Variants in ZNF385B observed in about 807,000 individuals in gnomAD.
The protein encoded by ZNF385B is zinc finger protein 533.
A neutral mutation model predicts 39.2 loss-of-function variants in ZNF385B; 23 were observed. That is an observed-to-expected ratio of 0.59 (90% CI 0.42 to 0.83). The LOEUF is 0.83. ZNF385B is among the 40% of genes least tolerant of loss of function. The probability of loss-of-function intolerance (pLI) is 0.00; values close to 1 mark genes in which losing one functional copy is unlikely to be tolerated. For synonymous variants in ZNF385B, 205 were observed against 222.6 expected (o/e 0.92, Z 0.70); for missense variants, 552 against 598.9 (o/e 0.92, Z 0.82).
At chr2:179,614,724 T>C (rs949779465) in intron 3 of ZNF385B, among the ~76,000 whole-genome samples, 3 of 152,322 alleles carry the variant, frequency 2.0e-5, no homozygotes, top group Non-Finnish European at 2.9e-5. Context: ...TCTTAAAAGC[T>C]TGGTCTTCCG....
At chr2:179,618,882 A>T (rs571376279) in intron 3 of ZNF385B, among the ~76,000 whole-genome samples, 19 of 152,306 alleles carry the variant, frequency 1.2e-4, no homozygotes, top group Admixed American at 1.2e-3. Context: ...TCTTCTACTT[A>T]CAATAGACAC....
At chr2:179,718,826 T>C (rs1346477836) in intron 3 of ZNF385B, among the ~76,000 whole-genome samples, 2 of 130,586 alleles carry the variant, frequency 1.5e-5, no homozygotes, top group African/African-American at 2.6e-5. Flanking sequence ...ACCCTGTATC[T>C]ATTAAAAAAA....
chr2:179,658,994 C>T (rs1483025279), intron 3 of ZNF385B, among the ~76,000 whole-genome samples: 1 of 152,172 alleles, frequency 6.6e-6, no homozygotes, highest in Non-Finnish European at 1.5e-5. Context: ...CCAGGCTGGT[C>T]TTGAACTCCT....
At chr2:179,743,529 G>T (rs1205905273) in intron 3 of ZNF385B, among the ~76,000 whole-genome samples, 1 of 152,090 alleles carries the variant, frequency 6.6e-6, no homozygotes, top group East Asian at 1.9e-4. Context: ...AAGACCACAT[G>T]AGGGAAAAAG....
intron 1 of ZNF385B, among the ~76,000 whole-genome samples, chr2:179,830,937 A>G (rs1707949533): frequency 6.6e-6 from 1 of 152,240 alleles, no homozygotes; most frequent in South Asian, 2.1e-4. Context: ...GCTAACAATA[A>G]GGGAAACTGA....
chr2:179,805,039 G>T (rs1706264736), intron 1 of ZNF385B, among the ~76,000 whole-genome samples: 1 of 152,152 alleles, frequency 6.6e-6, no homozygotes, highest in Non-Finnish European at 1.5e-5. Context: ...TGTTGAATCT[G>T]GCCTTGGGAC....
intron 1 of ZNF385B, among the ~76,000 whole-genome samples, chr2:179,859,568 C>G (rs986605964): frequency 6.6e-6 from 1 of 150,534 alleles, no homozygotes; most frequent in African/African-American, 2.5e-5. Context: ...CAAATGCATC[C>G]AAGAGAGGTC....
chr2:179,663,675 ATT>A (rs1240559128), intron 3 of ZNF385B, among the ~76,000 whole-genome samples: 3 of 138,238 alleles, frequency 2.2e-5, no homozygotes, highest in Non-Finnish European at 3.1e-5. Flanking sequence ...GCGCCGCTGC[ATT>A]CCATCCAGCC....
At chr2:179,809,104 CAT>C (rs911082807) in intron 1 of ZNF385B, among the ~76,000 whole-genome samples, 12 of 152,092 alleles carry the variant, frequency 7.9e-5, no homozygotes, top group African/African-American at 2.9e-4. Context: ...AATATGAAAA[CAT>C]AAAAGCTCAA....
intron 3 of ZNF385B, among the ~76,000 whole-genome samples, chr2:179,759,734 A>T (rs916582797): frequency 3.9e-5 from 6 of 152,160 alleles, no homozygotes; most frequent in African/African-American, 1.4e-4. Flanking sequence ...CGTTACATGT[A>T]GATCTGTCAT....
At chr2:179,461,563 T>C (rs1282911787) in intron 6 of ZNF385B, among the ~76,000 whole-genome samples, 1 of 152,212 alleles carries the variant, frequency 6.6e-6, no homozygotes, top group African/African-American at 2.4e-5. Flanking sequence ...GAGATAACAG[T>C]ATTTAGGATG....
At chr2:179,574,940 T>A (rs1298721367) in intron 3 of ZNF385B, among the ~76,000 whole-genome samples, 1 of 152,158 alleles carries the variant, frequency 6.6e-6, no homozygotes, top group East Asian at 1.9e-4. Flanking sequence ...GTCTCTCTAA[T>A]CAAATTGCTT....
intron 3 of ZNF385B, among the ~76,000 whole-genome samples, chr2:179,658,233 C>T (rs895390758): frequency 2.6e-5 from 4 of 152,188 alleles, no homozygotes; most frequent in African/African-American, 4.8e-5. Flanking sequence ...TTCACACAAG[C>T]GTAGGTGCTC....
intron 3 of ZNF385B, among the ~76,000 whole-genome samples, chr2:179,704,792 T>C (rs949892455): frequency 2.6e-5 from 4 of 152,240 alleles, no homozygotes; most frequent in Admixed American, 6.5e-5. Flanking sequence ...TATCATGGCC[T>C]GCCTGCTCAG....
intron 3 of ZNF385B, among the ~76,000 whole-genome samples, chr2:179,548,046 A>G (rs1329342685): frequency 6.7e-6 from 1 of 149,712 alleles, no homozygotes; most frequent in Non-Finnish European, 1.5e-5. Context: ...GTACATAGAA[A>G]TGCTACTGAT....
chr2:179,826,619 A>C (rs1394392946), intron 1 of ZNF385B, among the ~76,000 whole-genome samples: 1 of 152,158 alleles, frequency 6.6e-6, no homozygotes, highest in Non-Finnish European at 1.5e-5. Flanking sequence ...TCCACAATGC[A>C]CACAATAGAT....
chr2:179,611,634 T>C (rs1197112415), intron 3 of ZNF385B, among the ~76,000 whole-genome samples: 3 of 152,146 alleles, frequency 2.0e-5, no homozygotes, highest in African/African-American at 7.2e-5. Context: ...TCTTTAAATG[T>C]TTAGTAAAAT....
At chr2:179,786,591 C>T (rs1488417765) in intron 1 of ZNF385B, among the ~76,000 whole-genome samples, 1 of 152,034 alleles carries the variant, frequency 6.6e-6, no homozygotes, top group Non-Finnish European at 1.5e-5. Context: ...GCACTGGTAG[C>T]CACTTGTCCC....
chr2:179,791,234 C>T (rs357705), intron 1 of ZNF385B, among the ~76,000 whole-genome samples: 2,366 of 152,238 alleles, frequency 0.016, 63 homozygotes, highest in African/African-American at 0.052. Flanking sequence ...TGCAAATAAT[C>T]GGAAATGAGC....
Sources: gnomAD v4.1 joint callset for allele counts (sites outside exome capture counted in the v4.1 genomes callset) on GRCh38, gnomAD v4.1.1 for gene constraint, MANE v1.5 for transcripts, NCBI Gene and HGNC (gene_info 2026-07-23, HGNC 2026-07-21) for gene names.